The following PTPN3 variants were observed in gnomAD, a reference collection of about 807,000 sequenced individuals.
PTPN3 encodes the protein protein tyrosine phosphatase non-receptor type 3, also known as tyrosine-protein phosphatase non-receptor type 3.
PTPN3 carries 96 observed loss-of-function variants against 132.7 expected under a neutral mutation model. The observed-to-expected ratio is 0.72, with a 90% CI of 0.61 to 0.86. PTPN3 has a LOEUF of 0.86. Ranked by LOEUF, PTPN3 falls within the 40% of genes least tolerant of loss-of-function variation. The pLI, the probability that PTPN3 is intolerant of heterozygous loss-of-function variation, is 0.00. For missense variants in PTPN3, 1,125 were observed against 1,159.6 expected (o/e 0.97, Z 0.43); for synonymous variants, 398 against 429.0 (o/e 0.93, Z 0.89).
chr9:109,472,308 C>T (rs987584859), intron 1 of PTPN3, among the ~76,000 whole-genome samples: 1 of 152,260 alleles, frequency 6.6e-6, no homozygotes, highest in Non-Finnish European at 1.5e-5. Context: ...AATGCACACA[C>T]CCTTCCTCAG....
chr9:109,389,083 G>T, intron 22 of PTPN3, 150 bp downstream of exon 22: 1 of 971,444 alleles, frequency 1.0e-6, no homozygotes, highest in Non-Finnish European at 1.4e-6. Flanking sequence ...CGTCACTAGG[G>T]GTGTCTATTG....
chr9:109,446,845 T>C (rs1844895938), intron 6 of PTPN3, among the ~76,000 whole-genome samples: 1 of 152,224 alleles, frequency 6.6e-6, no homozygotes, highest in Non-Finnish European at 1.5e-5. Flanking sequence ...ACCTTGGGCT[T>C]CAGGGTCTTC....
intron 2 of PTPN3, among the ~76,000 whole-genome samples, chr9:109,461,422 T>C (rs1444230610): frequency 6.6e-6 from 1 of 152,226 alleles, no homozygotes; most frequent in Non-Finnish European, 1.5e-5. Flanking sequence ...GTGGGGACTA[T>C]GAACTACTAA....
intron 1 of PTPN3, among the ~76,000 whole-genome samples, chr9:109,475,289 T>C (rs1225526507): frequency 1.3e-5 from 2 of 152,214 alleles, no homozygotes; most frequent in Non-Finnish European, 2.9e-5. Flanking sequence ...CATGTAAGCC[T>C]CAATGTGGTA....
At chr9:109,441,259 T>A (rs1341307799) in intron 7 of PTPN3, among the ~76,000 whole-genome samples, 1 of 152,172 alleles carries the variant, frequency 6.6e-6, no homozygotes, top group South Asian at 2.1e-4. Context: ...TCATTTTAAG[T>A]TCCATGCTTT....
At chr9:109,501,382 A>G (rs1342348907), upstream of PTPN3, among the ~76,000 whole-genome samples, 1 of 152,150 alleles carries the variant, frequency 6.6e-6, no homozygotes, top group African/African-American at 2.4e-5. Context: ...TGTGTAGTAG[A>G]TTACCATGTA....
At chr9:109,456,080 T>A (rs941420740) in intron 4 of PTPN3, among the ~76,000 whole-genome samples, 7 of 152,286 alleles carry the variant, frequency 4.6e-5, no homozygotes, top group African/African-American at 1.4e-4. Flanking sequence ...GGGCTCCCTG[T>A]GGGGGCAGCA....
intron 9 of PTPN3, among the ~76,000 whole-genome samples, chr9:109,435,390 C>A (rs901555290): frequency 6.6e-6 from 1 of 152,182 alleles, no homozygotes; most frequent in African/African-American, 2.4e-5. Context: ...TGTAACCCTG[C>A]AGCTTCCTGT....
Position 109,411,091 on chromosome 9 carries a change from C to G in PTPN3, c.1314-676G>C, listed in dbSNP as rs1449938257. ...CAAGAAACCAGCCATACTTCACATG[C>G]TCACTAGCCATATGCGGCCAGTGGC... On this transcript the variant is annotated intron_variant, in intron 14 of 25. Coordinates refer to ENST00000374541, the MANE Select transcript of PTPN3 (RefSeq NM_002829.4). 2.0e-5 allele frequency among the ~76,000 whole-genome samples: 3 copies of G among 152,232 alleles called. No homozygotes were observed. In the East Asian group the frequency reaches 5.8e-4, roughly 29 times the overall value.
the PTPN3 span, among the ~76,000 whole-genome samples, chr9:109,536,234 T>C: frequency 6.6e-6 from 1 of 152,252 alleles, no homozygotes; most frequent in Non-Finnish European, 1.5e-5. Flanking sequence ...TCTGCTGTAT[T>C]GATATATCAC....
chr9:109,448,726 T>G, intron 6 of PTPN3, 85 bp downstream of exon 6: 1 of 1,314,856 alleles, frequency 7.6e-7, no homozygotes, highest in Non-Finnish European at 1.1e-6. Flanking sequence ...GATTTGATAT[T>G]GTTACCAGAA....
chr9:109,384,567 T>C (rs1285990765), intron 22 of PTPN3, among the ~76,000 whole-genome samples: 4 of 152,202 alleles, frequency 2.6e-5, no homozygotes, highest in African/African-American at 4.8e-5. Flanking sequence ...CTGCAACTTG[T>C]CCTGTAAGCC....
chr9:109,409,264 T>C (rs1280703049), intron 16 of PTPN3, among the ~76,000 whole-genome samples: 1 of 152,064 alleles, frequency 6.6e-6, no homozygotes, highest in African/African-American at 2.4e-5. Flanking sequence ...GCCCTGCAGG[T>C]TGAACTTGAA....
chr9:109,534,650 A>C, the PTPN3 span, among the ~76,000 whole-genome samples: 3 of 149,280 alleles, frequency 2.0e-5, no homozygotes, highest in African/African-American at 7.3e-5. Context: ...AAAAAAAAAA[A>C]AAATACCTGG....
At chr9:109,426,094 T>A (rs935066596) in intron 12 of PTPN3, among the ~76,000 whole-genome samples, 20 of 150,678 alleles carry the variant, frequency 1.3e-4, no homozygotes, top group African/African-American at 4.9e-4. Context: ...CTCTTATACT[T>A]AGAGGGTAGT....
chr9:109,385,958 C>T (rs1839547873), intron 22 of PTPN3, among the ~76,000 whole-genome samples: 1 of 152,132 alleles, frequency 6.6e-6, no homozygotes, highest in Non-Finnish European at 1.5e-5. Context: ...TCTTTCTGGA[C>T]CAGAGGAAAC....
intron 5 of PTPN3, chr9:109,450,581 T>G (rs1845182429): frequency 1.1e-5 from 11 of 985,086 alleles, no homozygotes; most frequent in Non-Finnish European, 1.3e-5. Context: ...ACTAGAATAG[T>G]GGAACCCAAC....
chr9:109,397,503 C>T (rs1415158002), intron 19 of PTPN3: 1 of 152,216 alleles, frequency 6.6e-6, no homozygotes, highest in Non-Finnish European at 1.5e-5. Flanking sequence ...TTTAGTACCA[C>T]TTGGTAGACA....
intron 1 of PTPN3, among the ~76,000 whole-genome samples, chr9:109,489,112 A>G (rs1189161066): frequency 6.6e-6 from 1 of 152,190 alleles, no homozygotes; most frequent in Non-Finnish European, 1.5e-5. Flanking sequence ...CTTAAATTCT[A>G]TTAGAAATTG....
Sources: allele counts gnomAD v4.1 joint callset (sites outside exome capture counted in the v4.1 genomes callset), GRCh38; gene constraint gnomAD v4.1.1; transcripts MANE v1.5; gene names NCBI Gene and HGNC (gene_info 2026-07-23, HGNC 2026-07-21).